Variants in CSMD1 observed in about 807,000 individuals in gnomAD.
The protein encoded by CSMD1 is CUB and Sushi multiple domains 1.
Under a neutral mutation model 417.5 loss-of-function variants are expected in CSMD1, and 213 were observed. The ratio of observed to expected loss-of-function variants is 0.51; its 90% confidence interval spans 0.46 to 0.57. CSMD1 has a LOEUF of 0.57. CSMD1 is among the 20% of genes least tolerant of loss of function. CSMD1 has a pLI of 0.00. For missense variants in CSMD1, 6,923 were observed against 4,529.7 expected (o/e 1.53, Z -15.17); for synonymous variants, 2,862 against 1,736.8 (o/e 1.65, Z -16.11).
chr8:4,871,773 A>C (rs929537412), intron 1 of CSMD1, among the ~76,000 whole-genome samples: 6 of 152,244 alleles, frequency 3.9e-5, no homozygotes, highest in Non-Finnish European at 7.3e-5. Flanking sequence ...CCTCTTTTGA[A>C]ACTGTACATT....
At chr8:4,566,443 A>G (rs10091508) in intron 2 of CSMD1, among the ~76,000 whole-genome samples, 151,681 of 151,718 alleles carry the variant, frequency 1, 75,822 homozygotes, top group Middle Eastern at 1. Context: ...CACGAGGTCA[A>G]GAGAACGAGA....
At chr8:3,742,744 A>C (rs1796875627) in intron 6 of CSMD1, among the ~76,000 whole-genome samples, 1 of 152,134 alleles carries the variant, frequency 6.6e-6, no homozygotes, top group South Asian at 2.1e-4. Flanking sequence ...GAGAAGAAAA[A>C]AAACAAAAAC....
intron 12 of CSMD1, among the ~76,000 whole-genome samples, chr8:3,462,795 C>T (rs1816589401): frequency 7.4e-6 from 1 of 135,560 alleles, no homozygotes; most frequent in African/African-American, 2.9e-5. Context: ...AGGCTGGGGA[C>T]TCTTATCTAA....
intron 2 of CSMD1, among the ~76,000 whole-genome samples, chr8:4,492,235 A>G (rs111668385): frequency 3.3e-5 from 5 of 152,166 alleles, no homozygotes; most frequent in Non-Finnish European, 5.9e-5. Context: ...TACTACAGGC[A>G]TATGTGAGCA....
At chr8:4,004,235 G>C (rs897405401) in intron 4 of CSMD1, among the ~76,000 whole-genome samples, 1 of 151,928 alleles carries the variant, frequency 6.6e-6, no homozygotes, top group Non-Finnish European at 1.5e-5. Context: ...CTTTTGTCAA[G>C]AAATAGTTTA....
chr8:3,432,906 C>G (rs748291603), intron 12 of CSMD1, among the ~76,000 whole-genome samples: 1 of 152,174 alleles, frequency 6.6e-6, no homozygotes, highest in Non-Finnish European at 1.5e-5. Context: ...CAGACACACA[C>G]AGTTACATTT....
At chr8:3,125,816 A>C (rs943355694) in intron 41 of CSMD1, among the ~76,000 whole-genome samples, 5 of 152,238 alleles carry the variant, frequency 3.3e-5, no homozygotes, top group Admixed American at 6.5e-5. Context: ...ATCTCTACTA[A>C]AATTCCAAAA....
At chr8:3,224,877 C>T (rs151334427) in intron 27 of CSMD1, among the ~76,000 whole-genome samples, 213 of 152,256 alleles carry the variant, frequency 1.4e-3, no homozygotes, top group African/African-American at 5.0e-3. Context: ...TATAAGTATA[C>T]ACATTTTAGA....
chr8:4,116,057 G>A (rs867112948), intron 3 of CSMD1, among the ~76,000 whole-genome samples: 3 of 151,564 alleles, frequency 2.0e-5, no homozygotes, highest in Non-Finnish European at 2.9e-5. Flanking sequence ...CTAGATTGTA[G>A]TGGCAATCTT....
In CSMD1 at chr8:3,545,395, G is replaced by C. The variant is rs1798614985; in HGVS notation, c.1344+29550C>G. ...ACAAAACAGCTGTAAAACATAAACAGCCATTGTGATGTCTGATGGTCCAAG... is the reference window on the plus strand; with the variant it reads ...ACAAAACAGCTGTAAAACATAAACACCCATTGTGATGTCTGATGGTCCAAG... On this transcript the variant is annotated intron_variant, in intron 10 of 69. Transcript: ENST00000635120. Among the ~76,000 whole-genome samples, 6 of 152,160 alleles carry C rather than the reference G, an allele frequency of 3.9e-5. 1 individual carries two copies. In the South Asian group the frequency reaches 1.2e-3, roughly 32 times the overall value.
At chr8:4,310,150 C>T (rs998536073) in intron 3 of CSMD1, among the ~76,000 whole-genome samples, 2 of 152,164 alleles carry the variant, frequency 1.3e-5, no homozygotes, top group Non-Finnish European at 2.9e-5. Context: ...CTTCACGTTT[C>T]TAACACCCAG....
In CSMD1 at chr8:3,271,927, C is replaced by A. The variant is rs548856670; in HGVS notation, c.4153+12217G>T. 9.2e-5 allele frequency among the ~76,000 whole-genome samples: 14 copies of A among 152,162 alleles called. 1 individual carries two copies. In the East Asian group the frequency reaches 2.7e-3, roughly 29 times the overall value. ...TTTCTTTTGCTGTGCAGAAGCTCTT[C>A]AGTTTAATTAGATCCCATTTGTCAA... On this transcript the variant is annotated intron_variant, in intron 26 of 69. Transcript: ENST00000635120.
chr8:4,286,254 C>G (rs183369871), intron 3 of CSMD1, among the ~76,000 whole-genome samples: 1 of 152,146 alleles, frequency 6.6e-6, no homozygotes, highest in Non-Finnish European at 1.5e-5. Context: ...CTCCGCCATG[C>G]TCTCCATGTC....
At chr8:4,059,505 C>T (rs1798862061) in intron 3 of CSMD1, among the ~76,000 whole-genome samples, 1 of 152,096 alleles carries the variant, frequency 6.6e-6, no homozygotes, top group South Asian at 2.1e-4. Context: ...AATCCAGGAG[C>T]TGGTTTTTTG....
chr8:3,302,498 C>G (rs1804496846), intron 25 of CSMD1, among the ~76,000 whole-genome samples: 1 of 152,196 alleles, frequency 6.6e-6, no homozygotes, highest in Non-Finnish European at 1.5e-5. Flanking sequence ...CATGATATCA[C>G]TTCTCATTTC....
intron 2 of CSMD1, among the ~76,000 whole-genome samples, chr8:4,461,839 C>G (rs181212737): frequency 1.3e-5 from 2 of 149,234 alleles, no homozygotes; most frequent in Non-Finnish European, 3.0e-5. Flanking sequence ...CTACGGGGTT[C>G]CCGCCATTCT....
At chr8:4,478,499 T>A (rs1800922982) in intron 2 of CSMD1, among the ~76,000 whole-genome samples, 1 of 152,112 alleles carries the variant, frequency 6.6e-6, no homozygotes, top group East Asian at 1.9e-4. Flanking sequence ...CCAAAAAAAC[T>A]GAAAGTAGAT....
intron 1 of CSMD1, among the ~76,000 whole-genome samples, chr8:4,772,245 C>G (rs1796639198): frequency 6.6e-6 from 1 of 152,200 alleles, no homozygotes; most frequent in Non-Finnish European, 1.5e-5. Context: ...AATCCTCACA[C>G]TCCTCTATCC....
At chr8:4,573,834 T>TCTAGAGAAGCAGTCTGG (rs1563299554) in intron 2 of CSMD1, among the ~76,000 whole-genome samples, 4 of 152,250 alleles carry the variant, frequency 2.6e-5, no homozygotes, top group African/African-American at 7.2e-5. Context: ...GGAGGAGGAA[T>TCTAGAGAAGCAGTCTGG]CTAGAGAAGC....
Sources: allele counts gnomAD v4.1 joint callset (sites outside exome capture counted in the v4.1 genomes callset), GRCh38; gene constraint gnomAD v4.1.1; transcripts MANE v1.5; gene names NCBI Gene and HGNC (gene_info 2026-07-23, HGNC 2026-07-21).